Variants in PPP4R3B observed in about 807,000 individuals in gnomAD.
PPP4R3B encodes protein phosphatase 4 regulatory subunit 3B, also known as serine/threonine-protein phosphatase 4 regulatory subunit 3B.
Under a neutral mutation model 95.4 loss-of-function variants are expected in PPP4R3B, and 52 were observed. That is an observed-to-expected ratio of 0.54 (90% CI 0.44 to 0.69). The LOEUF is 0.69. Ranked by LOEUF, PPP4R3B falls within the 30% of genes least tolerant of loss-of-function variation. PPP4R3B has a pLI of 0.00. For synonymous variants in PPP4R3B, 407 were observed against 343.9 expected (o/e 1.18, Z -2.03); for missense variants, 1,003 against 1,005.9 (o/e 1.00, Z 0.04).
In PPP4R3B at chr2:55,599,671, T is replaced by C. The variant is rs151152843; in HGVS notation, c.298-632A>G. Among the ~76,000 whole-genome samples, 555 of 152,294 alleles carry C rather than the reference T, an allele frequency of 3.6e-3. 3 individuals carry two copies. The highest frequency in any genetic ancestry group is 0.011 in the African/African-American group (464 of 41,556). Reference sequence around the variant, plus strand: ...CAGCCAATGAACTCTGCTGTATGGATTCACAATAAATCCACACTATCAATA... The same window carrying C: ...CAGCCAATGAACTCTGCTGTATGGACTCACAATAAATCCACACTATCAATA... On this transcript the variant is annotated intron_variant, in intron 3 of 16. Coordinates refer to ENST00000616407, the MANE Select transcript of PPP4R3B (RefSeq NM_001122964.3).
Position 55,576,770 on chromosome 2 carries a change from G to T in PPP4R3B, c.1606+545C>A, listed in dbSNP as rs938666707. On this transcript the variant is annotated intron_variant, in intron 11 of 16. Transcript: ENST00000616407. The stretch of plus-strand genomic sequence containing the variant: ...AATGTCTTGTCTTCATCTTTATAAC[G>T]GGGACAAGAAATTACTTGTATCTCT... Among the ~76,000 whole-genome samples the T allele has an allele frequency of 3.3e-5, 5 of 152,286 alleles. No individual in the cohort carries two copies. The South Asian group carries it at 1.0e-3, about 32-fold the overall frequency.
intron 9 of PPP4R3B, 40 bp downstream of exon 9, chr2:55,579,639 T>C (rs1182294452): frequency 2.9e-6 from 4 of 1,379,746 alleles, no homozygotes; most frequent in Non-Finnish European, 2.9e-6. Context: ...CATCCTTCTT[T>C]AAAAACAGAA....
intron 16 of PPP4R3B, among the ~76,000 whole-genome samples, chr2:55,556,638 A>AG (rs1418879933): frequency 6.6e-6 from 1 of 151,854 alleles, no homozygotes; most frequent in Admixed American, 6.6e-5. Flanking sequence ...GATTTAAAAA[A>AG]AAAAAAAGAA....
Position 55,555,731 on chromosome 2 carries a change from G to T in PPP4R3B, c.2454+3044C>A, listed in dbSNP as rs1422886847. On this transcript the variant is annotated intron_variant, in intron 16 of 16. Transcript: ENST00000616407. ...AAACAACTTTAATGCCCATCACATT[G>T]ATAGGGGCTAATTATAAATTGTTAT... is the stretch of plus-strand genomic sequence containing the variant. 4.6e-5 allele frequency among the ~76,000 whole-genome samples: 7 copies of T among 152,258 alleles called. No individual in the cohort carries two copies. In the East Asian group the frequency reaches 1.4e-3, roughly 29 times the overall value.
intron 2 of PPP4R3B, 89 bp from the exon 3 acceptor site, chr2:55,604,165 A>T (rs559324714): frequency 4.4e-6 from 4 of 914,144 alleles, no homozygotes; most frequent in East Asian, 5.5e-5. Flanking sequence ...TGGAAACAAC[A>T]CAGCAATGAC....
At chr2:55,600,426 CAAAAAAAAAAA>C (rs60764774) in intron 3 of PPP4R3B, among the ~76,000 whole-genome samples, 4 of 22,170 alleles carry the variant, frequency 1.8e-4, no homozygotes, top group Non-Finnish European at 2.3e-4. Context: ...AACTCTGTCT[CAAAAAAAAAAA>C]AAAAAAAAAA....
At chr2:55,595,026 C>CTT (rs201263689) in intron 4 of PPP4R3B, among the ~76,000 whole-genome samples, 10 of 134,508 alleles carry the variant, frequency 7.4e-5, no homozygotes, top group East Asian at 4.3e-4. Flanking sequence ...CCCTTTTAAA[C>CTT]TTTTTTTTTT....
In PPP4R3B at chr2:55,548,103, T is replaced by C. The variant is rs1417187948; in HGVS notation, c.*1808A>G. 1 of 151,714 alleles carries C rather than the reference T, an allele frequency of 6.6e-6. No individual in the cohort carries two copies. The highest frequency in any genetic ancestry group is 1.5e-5 in the Non-Finnish European group (1 of 67,828). 9.4% of individuals were successfully genotyped at this position (151,714 alleles called of 1,614,324 possible). On this transcript the variant is annotated 3_prime_UTR_variant, in exon 17 of 17. Coordinates refer to ENST00000616407, the MANE Select transcript of PPP4R3B (RefSeq NM_001122964.3). ...TATGAGGTGGAAGGTCTTTCTTTCT[T>C]ACTATATGTACACCTTTAATTGAAA... is the stretch of plus-strand genomic sequence containing the variant.
chr2:55,563,920 T>C (rs1311834699), intron 15 of PPP4R3B, among the ~76,000 whole-genome samples: 1 of 152,212 alleles, frequency 6.6e-6, no homozygotes, highest in African/African-American at 2.4e-5. Context: ...GCAAAGTTAC[T>C]TGTTTGAGCT....
intron 2 of PPP4R3B, among the ~76,000 whole-genome samples, chr2:55,609,219 T>C (rs1693836276): frequency 6.6e-6 from 1 of 152,018 alleles, no homozygotes; most frequent in Non-Finnish European, 1.5e-5. Flanking sequence ...TATTCACAGG[T>C]GTGATCATCA....
chr2:55,561,756 G>A (rs959257605), intron 15 of PPP4R3B, among the ~76,000 whole-genome samples: 2 of 152,204 alleles, frequency 1.3e-5, no homozygotes, highest in African/African-American at 2.4e-5. Flanking sequence ...ATTTGGAATG[G>A]GAGCATTTAC....
intron 12 of PPP4R3B, among the ~76,000 whole-genome samples, chr2:55,568,744 T>A (rs111392437): frequency 3.1e-4 from 47 of 152,330 alleles, no homozygotes; most frequent in African/African-American, 1.1e-3. Flanking sequence ...TGCTGGTGGA[T>A]GCTGAGACAA....
intron 2 of PPP4R3B, among the ~76,000 whole-genome samples, chr2:55,612,117 T>A (rs969598343): frequency 6.6e-6 from 1 of 152,112 alleles, no homozygotes; most frequent in Non-Finnish European, 1.5e-5. Context: ...AACCCGCTAA[T>A]GGAAACAAAA....
Position 55,603,919 on chromosome 2 carries a change from A to T in PPP4R3B, c.297+59T>A, listed in dbSNP as rs559207641. 209 of 1,258,926 alleles carry T rather than the reference A, an allele frequency of 1.7e-4. 1 individual carries two copies. The African/African-American group carries it at 2.8e-3, about 17-fold the overall frequency. 78.0% of individuals were successfully genotyped at this position (1,258,926 alleles called of 1,614,324 possible). The stretch of plus-strand genomic sequence containing the variant: ...TCCTAATATGTTTGAAGTAAAAAGG[A>T]AACAAAAATTCCAGAAAAGAAGCAA... On this transcript the variant is annotated intron_variant, in intron 3 of 16. Coordinates refer to ENST00000616407, the MANE Select transcript of PPP4R3B (RefSeq NM_001122964.3).
intron 16 of PPP4R3B, among the ~76,000 whole-genome samples, chr2:55,557,066 AACGACG>A (rs3030736): frequency 1.5e-4 from 22 of 151,572 alleles, no homozygotes; most frequent in South Asian, 1.0e-3. Flanking sequence ...CTGTAACAAC[AACGACG>A]ACGACGACGA....
chr2:55,558,608 A>AAAAAC (rs1686164065), intron 16 of PPP4R3B, among the ~76,000 whole-genome samples, 167 bp downstream of exon 16: 1 of 152,186 alleles, frequency 6.6e-6, no homozygotes. Flanking sequence ...CTCTGTCTCA[A>AAAAAC]AAAATAAAAT....
chr2:55,615,547 A>G, intron 1 of PPP4R3B, 41 bp from the exon 2 acceptor site: 1 of 1,389,776 alleles, frequency 7.2e-7, no homozygotes, highest in Non-Finnish European at 1.0e-6. Context: ...CTCAAATGAT[A>G]AAACCCTGAA....
intron 7 of PPP4R3B, among the ~76,000 whole-genome samples, chr2:55,584,350 GT>G (rs1453174079): frequency 6.6e-6 from 1 of 151,982 alleles, no homozygotes; most frequent in Admixed American, 6.6e-5. Context: ...TTTTTTTAAT[GT>G]TTTTTATTTC....
At chr2:55,600,425 TC>T (rs1692393722) in intron 3 of PPP4R3B, among the ~76,000 whole-genome samples, 1 of 3,504 alleles carries the variant, frequency 2.9e-4, no homozygotes, top group East Asian at 1.5e-3. Flanking sequence ...AAACTCTGTC[TC>T]AAAAAAAAAA....
Sources: allele counts gnomAD v4.1 joint callset (sites outside exome capture counted in the v4.1 genomes callset), GRCh38; gene constraint gnomAD v4.1.1; transcripts MANE v1.5; gene names NCBI Gene and HGNC (gene_info 2026-07-23, HGNC 2026-07-21).